DEK: variants seen among roughly 807,000 people sequenced by gnomAD.
DEK encodes DEK proto-oncogene, also known as protein DEK.
In DEK, 28 loss-of-function variants were observed where a neutral mutation model predicts 46.8. The observed-to-expected ratio is 0.60, with a 90% CI of 0.44 to 0.82. The LOEUF is 0.82. Ranked by LOEUF, DEK falls within the 40% of genes least tolerant of loss-of-function variation. DEK has a pLI of 0.00. For synonymous variants in DEK, 160 were observed against 144.5 expected (o/e 1.11, Z -0.77); for missense variants, 416 against 430.6 (o/e 0.97, Z 0.30).
At position 18,249,700 on chromosome 6, in the gene DEK, T is replaced by C. The variant is rs771093832; in HGVS notation, c.713A>G (p.Lys238Arg). Residue 238 changes from lysine to arginine, a missense_variant, in exon 7 of 11, where the codon AAA (lysine) becomes AGA (arginine). Physicochemically the swap from Lys to Arg is conservative, Grantham distance 26 (BLOSUM62 2). Coordinates refer to ENST00000652689, the MANE Select transcript of DEK (RefSeq NM_003472.4). ...DESSSDEDEK[K>R]NKEESSDDED... ...ATCATCTGAAGACTCTTCCTTGTTT[T>C]TCTTTTCATCTTCATCACTACTAGA... is the stretch of plus-strand genomic sequence containing the variant. The C allele has an allele frequency of 6.2e-7, 1 of 1,605,224 alleles. No homozygotes were observed. Among genetic ancestry groups the C allele is most frequent in the East Asian group, 2.2e-5 (1 of 44,754 alleles).
intron 9 of DEK, among the ~76,000 whole-genome samples, chr6:18,230,244 G>A (rs1305682510): frequency 6.6e-6 from 1 of 152,086 alleles, no homozygotes; most frequent in East Asian, 1.9e-4. Context: ...AACATGGAAA[G>A]GAACAACCGG....
At chr6:18,244,538 G>A (rs1262378446) in intron 7 of DEK, 1 of 1,289,122 alleles carries the variant, frequency 7.8e-7, no homozygotes, top group South Asian at 1.2e-5. Context: ...GGCTCTTGAA[G>A]GAGGGTCTCC....
intron 7 of DEK, 54 bp from the exon 8 acceptor site, chr6:18,237,570 A>T: frequency 6.5e-7 from 1 of 1,539,414 alleles, no homozygotes; most frequent in Non-Finnish European, 8.7e-7. Context: ...ATGCTATCCC[A>T]TCCCATCCCT....
chr6:18,229,288 G>A (rs781335700), intron 9 of DEK, among the ~76,000 whole-genome samples: 40 of 152,200 alleles, frequency 2.6e-4, no homozygotes, highest in Non-Finnish European at 5.0e-4. Context: ...GAAGAAACCA[G>A]AGCAGAAAAG....
rs769123364 is a variant in DEK at position 18,264,419 on chromosome 6, G to A, written c.-44C>T. ...CGGCCGCCGCGGGCCTGGCACGCGA[G>A]GGCACGAGGAGGTTCTGGGAGGCGG... On this transcript the variant is annotated 5_prime_UTR_variant, in exon 1 of 11. Transcript: ENST00000652689. The A allele has an allele frequency of 7.6e-6, 2 of 263,192 alleles. No homozygotes were observed. Among genetic ancestry groups the A allele is most frequent in the Non-Finnish European group, 1.6e-5 (2 of 127,956 alleles). The allele number at this position is 263,192 out of a possible 1,614,324, so 16.3% of individuals were successfully genotyped here. A position where few individuals can be genotyped will look rare whatever the true frequency, so the allele number is the denominator to read the frequency against.
rs1013556479 is a variant in DEK at position 18,237,549 on chromosome 6, G to T, written c.763-33C>A. The stretch of plus-strand genomic sequence containing the variant: ...AAAAGAAAGTAAAAGTACACATATT[G>T]ATGAGATTCAATGCTATCCCATCCC... On this transcript the variant is annotated intron_variant, in intron 7 of 10. Coordinates refer to ENST00000652689, the MANE Select transcript of DEK (RefSeq NM_003472.4). 3.2e-6 allele frequency: 5 copies of T among 1,584,698 alleles called. No homozygotes were observed. In the East Asian group the frequency reaches 1.1e-4, roughly 36 times the overall value.
chr6:18,244,042 T>C (rs1791004902), intron 7 of DEK, among the ~76,000 whole-genome samples: 1 of 152,188 alleles, frequency 6.6e-6, no homozygotes, highest in Non-Finnish European at 1.5e-5. Flanking sequence ...TTAGTGATTA[T>C]AATAAAAATT....
chr6:18,229,492 C>CGA (rs1790306055), intron 9 of DEK, among the ~76,000 whole-genome samples: 1 of 151,722 alleles, frequency 6.6e-6, no homozygotes, highest in African/African-American at 2.4e-5. Flanking sequence ...AAAGATGAGA[C>CGA]GAATGGCTAA....
At chr6:18,233,654 G>C (rs796381696) in intron 9 of DEK, among the ~76,000 whole-genome samples, 1 of 152,184 alleles carries the variant, frequency 6.6e-6, no homozygotes, top group Non-Finnish European at 1.5e-5. Context: ...GAGATACCAT[G>C]TCACACCAGT....
chr6:18,239,834 T>C (rs2151083393), intron 7 of DEK, among the ~76,000 whole-genome samples: 1 of 152,300 alleles, frequency 6.6e-6, no homozygotes, highest in East Asian at 1.9e-4. Context: ...GAACTATATA[T>C]TAGGCTCTGA....
chr6:18,242,771 T>C (rs533773856), intron 7 of DEK, among the ~76,000 whole-genome samples: 2 of 152,242 alleles, frequency 1.3e-5, no homozygotes, highest in African/African-American at 2.4e-5. Context: ...AGAGAAGCCA[T>C]AAAGTGGGTT....
intron 9 of DEK, among the ~76,000 whole-genome samples, chr6:18,228,761 G>A (rs1033011323): frequency 6.6e-6 from 1 of 152,232 alleles, no homozygotes; most frequent in African/African-American, 2.4e-5. Flanking sequence ...CACGCCCACG[G>A]AGCCTCGCTC....
intron 9 of DEK, among the ~76,000 whole-genome samples, chr6:18,235,004 T>G (rs1178774591): frequency 6.6e-6 from 1 of 152,222 alleles, no homozygotes; most frequent in African/African-American, 2.4e-5. Flanking sequence ...AAAATTTACA[T>G]GAAGGTATTC....
chr6:18,254,789 T>C (rs1294724319), intron 6 of DEK, among the ~76,000 whole-genome samples: 1 of 152,208 alleles, frequency 6.6e-6, no homozygotes, highest in Non-Finnish European at 1.5e-5. Context: ...ATAAGAAGTA[T>C]TTTGTCTTTA....
intron 9 of DEK, among the ~76,000 whole-genome samples, chr6:18,228,043 G>C (rs1030219019): frequency 1.3e-5 from 2 of 152,092 alleles, no homozygotes; most frequent in East Asian, 3.9e-4. Flanking sequence ...CTTGCTGCTT[G>C]ACTCAGGTCC....
chr6:18,248,158 T>C (rs1791207306), intron 7 of DEK, among the ~76,000 whole-genome samples: 1 of 152,240 alleles, frequency 6.6e-6, no homozygotes, highest in African/African-American at 2.4e-5. Context: ...GCTAATACTA[T>C]TATCACTCCC....
Position 18,225,327 on chromosome 6 carries a change from ATC to A in DEK, c.*390_*391del, listed in dbSNP as rs1332666443. 1.7e-5 allele frequency: 4 copies of A among 241,428 alleles called. No homozygotes were observed. The highest frequency in any genetic ancestry group is 2.5e-3 in the Middle Eastern group (2 of 814). The allele number at this position is 241,428 out of a possible 1,614,324, so 15.0% of individuals were successfully genotyped here. A position where few individuals can be genotyped will look rare whatever the true frequency, so the allele number is the denominator to read the frequency against. On this transcript the variant is annotated 3_prime_UTR_variant, in exon 11 of 11. Coordinates refer to ENST00000652689, the MANE Select transcript of DEK (RefSeq NM_003472.4). ...AATATTTCATATACTAAATACTACA[ATC>A]TCTGTATGTATAAATCCTGGTGATA...
chr6:18,236,456 T>C lies in DEK; in HGVS notation c.1043A>G (p.Lys348Arg), dbSNP rs764323078. Residue 348 changes from lysine (K) to arginine (R), a missense_variant, in exon 9 of 11, where the codon AAA becomes AGA. Transcript: ENST00000652689. ...LEEVTMKQICKKVYENYPTYD... is the reference protein window; with the variant it reads ...LEEVTMKQICRKVYENYPTYD... ...TCTAAACATTTGTCTAATTACCTTT[T>C]TGCAAATCTGTTTCATTGTGACTTC... 6.2e-7 allele frequency: 1 copy of C among 1,610,562 alleles called. No individual in the cohort carries two copies. The highest frequency in any genetic ancestry group is 1.7e-5 in the Admixed American group (1 of 59,304).
In DEK at chr6:18,258,407, T is replaced by C; in HGVS notation, c.146-2A>G. On this transcript the variant is annotated splice_acceptor_variant, in intron 2 of 10. Transcript: ENST00000652689. LOFTEE classifies it high-confidence loss of function. ...TGCCTTCCACGATGAGACTCTTTTC[T>C]AGAAATTAATTTAGTATTTCTTAAT... 2 of 1,602,870 alleles carry C rather than the reference T, an allele frequency of 1.2e-6. No individual in the cohort carries two copies. Among genetic ancestry groups the C allele is most frequent in the Non-Finnish European group, 1.7e-6 (2 of 1,172,246 alleles).
Sources: gnomAD v4.1 joint callset for allele counts (sites outside exome capture counted in the v4.1 genomes callset) on GRCh38, gnomAD v4.1.1 for gene constraint, MANE v1.5 for transcripts, NCBI Gene and HGNC (gene_info 2026-07-23, HGNC 2026-07-21) for gene names.